Variants in GFPT2 observed in about 807,000 individuals in gnomAD.
GFPT2 encodes glutamine--fructose-6-phosphate transaminase 2.
A neutral mutation model predicts 85.6 loss-of-function variants in GFPT2; 62 were observed. The observed-to-expected ratio is 0.72, with a 90% CI of 0.59 to 0.90. GFPT2 has a LOEUF of 0.90. Ranked by LOEUF, GFPT2 falls within the 40% of genes least tolerant of loss-of-function variation. The probability of loss-of-function intolerance (pLI) is 0.00; values close to 1 mark genes in which losing one functional copy is unlikely to be tolerated. For synonymous variants in GFPT2, 368 were observed against 344.5 expected, an observed-to-expected ratio of 1.07 and a Z score of -0.75; for missense variants, 788 against 893.4, an observed-to-expected ratio of 0.88 and a Z score of 1.50.
rs1376353544 is a variant in GFPT2 at position 180,330,987 on chromosome 5, C to T, written c.400-153G>A. On this transcript the variant is annotated intron_variant, in intron 5 of 18. Coordinates refer to ENST00000253778, the MANE Select transcript of GFPT2 (RefSeq NM_005110.4). The surrounding 1 kb of genome is among the most constrained non-coding windows in gnomAD (Gnocchi z 4.4). Reference sequence around the variant, plus strand: ...GGGGGAAAAATGTTTGCCAGCATCACAGCCAAATACCTCTGAGTCACTCCC... The same window carrying T: ...GGGGGAAAAATGTTTGCCAGCATCATAGCCAAATACCTCTGAGTCACTCCC... 1 of 655,850 alleles carries T rather than the reference C, an allele frequency of 1.5e-6. No homozygotes were observed. Among genetic ancestry groups the T allele is most frequent in the Non-Finnish European group, 2.6e-6 (1 of 385,646 alleles). 40.6% of individuals were successfully genotyped at this position (655,850 alleles called of 1,614,324 possible).
At chr5:180,352,990 T>G in intron 1 of GFPT2, 4 of 383,796 alleles carry the variant, frequency 1.0e-5, no homozygotes, top group East Asian at 8.1e-5. Context: ...AGGAGTCGGG[T>G]TGGGCATCCC....
At chr5:180,324,339 T>C (rs1581378782) in intron 8 of GFPT2, 34 bp from the exon 9 acceptor site, 2 of 1,180,810 alleles carry the variant, frequency 1.7e-6, no homozygotes, top group Non-Finnish European at 2.5e-6. Flanking sequence ...CAAATCCCAC[T>C]GGGATGTTTT....
At chr5:180,347,075 G>A (rs1299246504) in intron 1 of GFPT2, among the ~76,000 whole-genome samples, 1 of 152,242 alleles carries the variant, frequency 6.6e-6, no homozygotes, top group Non-Finnish European at 1.5e-5. Flanking sequence ...AGCCAGGTGG[G>A]GGATGCTGAG....
At chr5:180,352,155 T>C (rs895186044) in intron 1 of GFPT2, among the ~76,000 whole-genome samples, 7 of 151,798 alleles carry the variant, frequency 4.6e-5, no homozygotes, top group African/African-American at 1.7e-4. Flanking sequence ...CGTAGGTCGT[T>C]CCCTTCTGCC....
chr5:180,330,861 A>G lies in GFPT2; in HGVS notation c.400-27T>C, dbSNP rs774613290. On this transcript the variant is annotated intron_variant, in intron 5 of 18. Transcript: ENST00000253778. The surrounding 1 kb of genome is among the most constrained non-coding windows in gnomAD (Gnocchi z 4.4). ...TGGAATATGCAGTCGGCACAGTGTG[A>G]GAGATTGGTCATTGCACAATGCCTG... 41 of 1,611,318 alleles carry G rather than the reference A, an allele frequency of 2.5e-5. No homozygotes were observed. The highest frequency in any genetic ancestry group is 3.3e-4 in the Middle Eastern group (2 of 6,080).
chr5:180,338,189 G>A (rs374946854), intron 2 of GFPT2, among the ~76,000 whole-genome samples: 3 of 152,082 alleles, frequency 2.0e-5, no homozygotes, highest in African/African-American at 4.8e-5. Context: ...GTCAGGCACC[G>A]CACGGCAGAG....
chr5:180,351,906 C>T (rs1050746032), intron 1 of GFPT2, among the ~76,000 whole-genome samples: 1 of 152,156 alleles, frequency 6.6e-6, no homozygotes, highest in South Asian at 2.1e-4. Flanking sequence ...GCCCCAAGGC[C>T]ACCAGTTTTG....
At chr5:180,301,781 G>A (rs747483441) in intron 18 of GFPT2, among the ~76,000 whole-genome samples, 173 bp from the exon 19 acceptor site, 36 of 152,036 alleles carry the variant, frequency 2.4e-4, no homozygotes, top group South Asian at 4.2e-4. Flanking sequence ...TCATTTAACC[G>A]TATAAGGTTT....
intron 1 of GFPT2, among the ~76,000 whole-genome samples, chr5:180,351,359 G>GA (rs2127659443): frequency 6.6e-6 from 1 of 152,336 alleles, no homozygotes; most frequent in South Asian, 2.1e-4. Flanking sequence ...TCTTGAAAAG[G>GA]AAATAACTTT....
chr5:180,302,648 C>G (rs1561870028), intron 17 of GFPT2, 64 bp from the exon 18 acceptor site: 1 of 1,306,286 alleles, frequency 7.7e-7, no homozygotes, highest in East Asian at 2.3e-5. Flanking sequence ...CTGATGCATA[C>G]AGAGTATCTG....
intron 1 of GFPT2, among the ~76,000 whole-genome samples, chr5:180,341,847 C>G (rs1764522106): frequency 6.6e-6 from 1 of 152,206 alleles, no homozygotes; most frequent in African/African-American, 2.4e-5. Context: ...CAGAGGCTCA[C>G]ACGACAGCCC....
intron 13 of GFPT2, among the ~76,000 whole-genome samples, chr5:180,316,128 G>C (rs1355941226): frequency 6.6e-6 from 1 of 151,968 alleles, no homozygotes; most frequent in African/African-American, 2.4e-5. Context: ...CCCAATCCCA[G>C]CTGTCACCCC....
Position 180,317,000 on chromosome 5 carries a change from A to G in GFPT2, c.1017T>C (p.Asn339=). The G allele has an allele frequency of 1.9e-6, 3 of 1,612,084 alleles. No homozygotes were observed. Among genetic ancestry groups the G allele is most frequent in the Non-Finnish European group, 2.5e-6 (3 of 1,178,118 alleles). The stretch of plus-strand genomic sequence containing the variant: ...CAAAATTCACCCGACCTCTCATAGT[A>G]TTGAAAACTGATTCTGGCTGTTCGA... ...EIFEQPESVF[N]TMRGRVNFET... The change falls in exon 11 of 19, where the codon AAT becomes AAC. Residue 339 remains asparagine (N), a synonymous_variant. Coordinates refer to ENST00000253778, the MANE Select transcript of GFPT2 (RefSeq NM_005110.4).
intron 17 of GFPT2, among the ~76,000 whole-genome samples, chr5:180,303,229 CAAAA>C (rs5873683): frequency 2.5e-5 from 3 of 118,734 alleles, no homozygotes; most frequent in Admixed American, 1.8e-4. Flanking sequence ...GACTCCGTCA[CAAAA>C]AAAAAAAAAA....
intron 8 of GFPT2, 126 bp downstream of exon 8, chr5:180,324,690 G>T: frequency 2.8e-6 from 2 of 716,524 alleles, no homozygotes. Context: ...CTGGAGCTGT[G>T]CGCCTGTTGG....
chr5:180,352,146 G>A lies in GFPT2; in HGVS notation c.7+1065C>T, dbSNP rs548671409. ...CCCGAAGCACGCTGCCCGCTCCGCC[G>A]TAGGTCGTTCCCTTCTGCCGAGCAG... On this transcript the variant is annotated intron_variant, in intron 1 of 18. Coordinates refer to ENST00000253778, the MANE Select transcript of GFPT2 (RefSeq NM_005110.4). Among the ~76,000 whole-genome samples, 1,283 of 152,136 alleles carry A rather than the reference G, an allele frequency of 8.4e-3. 13 individuals are homozygous for A. Among genetic ancestry groups the A allele is most frequent in the Non-Finnish European group, 0.013 (916 of 67,986 alleles).
chr5:180,325,332 C>A (rs1764195794), intron 7 of GFPT2, among the ~76,000 whole-genome samples: 1 of 152,206 alleles, frequency 6.6e-6, no homozygotes. Flanking sequence ...TGCCCAAAGA[C>A]CCCCTGTTGT....
Position 180,301,533 on chromosome 5 carries a change from A to G in GFPT2, c.*31T>C. 6.3e-7 allele frequency: 1 copy of G among 1,579,000 alleles called. No homozygotes were observed. The highest frequency in any genetic ancestry group is 8.7e-7 in the Non-Finnish European group (1 of 1,147,908). ...TGGGACAGGTCTGGAATCAGATGAA[A>G]GGTGGTGATGGTCTTGTCACGGTCT... On this transcript the variant is annotated 3_prime_UTR_variant, in exon 19 of 19. Coordinates refer to ENST00000253778, the MANE Select transcript of GFPT2 (RefSeq NM_005110.4).
At position 180,307,151 on chromosome 5, in the gene GFPT2, G is replaced by A. The variant is rs1349157966; in HGVS notation, c.1674+25C>T. 3 of 956,248 alleles carry A rather than the reference G, an allele frequency of 3.1e-6. 1 individual carries two copies. The African/African-American group carries it at 6.1e-5, about 20-fold the overall frequency. The allele number at this position is 956,248 out of a possible 1,614,324, so 59.2% of individuals were successfully genotyped here. A position where few individuals can be genotyped will look rare whatever the true frequency, so the allele number is the denominator to read the frequency against. ...TCTCCTGTGCCTGTCCTCCGTGGGG[G>A]TGGGGGCTGGGGGTGGGGGCTCACC... is the stretch of plus-strand genomic sequence containing the variant. On this transcript the variant is annotated intron_variant, in intron 16 of 18. Coordinates refer to ENST00000253778, the MANE Select transcript of GFPT2 (RefSeq NM_005110.4).
Sources: allele counts gnomAD v4.1 joint callset (sites outside exome capture counted in the v4.1 genomes callset), GRCh38; gene constraint gnomAD v4.1.1; non-coding constraint Gnocchi (gnomAD v3.1); transcripts MANE v1.5; gene names NCBI Gene and HGNC (gene_info 2026-07-23, HGNC 2026-07-21).